Variants in METTL16 observed in about 807,000 individuals in gnomAD.
METTL16 encodes methyltransferase 16, RNA N6-adenosine, also known as RNA N(6)-adenosine-methyltransferase METTL16.
In METTL16, 19 loss-of-function variants were observed where a neutral mutation model predicts 57.9. The observed-to-expected ratio is 0.33, with a 90% CI of 0.23 to 0.48. The LOEUF is 0.48. Ranked by LOEUF, METTL16 falls within the 20% of genes least tolerant of loss-of-function variation. The pLI is 0.99. For missense variants in METTL16, 434 were observed against 691.5 expected (o/e 0.63, Z 4.18); for synonymous variants, 246 against 255.6 (o/e 0.96, Z 0.36).
At chr17:2,455,154 T>C (rs978823583) in intron 6 of METTL16, 1 of 175,020 alleles carries the variant, frequency 5.7e-6, no homozygotes, top group Non-Finnish European at 1.2e-5. Flanking sequence ...AATGGCGTTA[T>C]CTTGGCTCAC....
intron 6 of METTL16, among the ~76,000 whole-genome samples, chr17:2,447,461 C>A (rs1310617064): frequency 8.6e-6 from 1 of 116,192 alleles, no homozygotes; most frequent in Non-Finnish European, 1.8e-5. Flanking sequence ...GGGGGGTCAG[C>A]CCCCCGCCCG....
At chr17:2,476,596 C>A (rs1198847475) in intron 3 of METTL16, among the ~76,000 whole-genome samples, 1 of 152,166 alleles carries the variant, frequency 6.6e-6, no homozygotes, top group Admixed American at 6.6e-5. Flanking sequence ...GCTGAAAATG[C>A]ATGCAAATAT....
At chr17:2,470,033 C>T (rs764234521) in intron 4 of METTL16, among the ~76,000 whole-genome samples, 7 of 152,186 alleles carry the variant, frequency 4.6e-5, no homozygotes, top group Non-Finnish European at 8.8e-5. Context: ...AGTCTCTCTT[C>T]GTATTTTCAT....
intron 6 of METTL16, among the ~76,000 whole-genome samples, chr17:2,448,781 T>TAAAAAAAAAAAAAAAAAAAAAAAAAA (rs1369462081): frequency 3.0e-5 from 1 of 33,696 alleles, no homozygotes; most frequent in Non-Finnish European, 6.7e-5. Flanking sequence ...AATAAAAAAA[T>TAAAAAAAAAAAAAAAAAAAAAAAAAA]AAAAAAATAA....
chr17:2,498,439 TA>T (rs968839120), intron 2 of METTL16, among the ~76,000 whole-genome samples: 1 of 149,472 alleles, frequency 6.7e-6, no homozygotes, highest in Non-Finnish European at 1.5e-5. Flanking sequence ...ACAAAAATCT[TA>T]AAAATCCTAA....
At chr17:2,429,443 C>G (rs1201802985) in intron 8 of METTL16, among the ~76,000 whole-genome samples, 1 of 151,046 alleles carries the variant, frequency 6.6e-6, no homozygotes, top group Non-Finnish European at 1.5e-5. Flanking sequence ...CCGCCTCGGC[C>G]TCCCAAAGTG....
At chr17:2,454,944 G>A (rs1422991815) in intron 6 of METTL16, among the ~76,000 whole-genome samples, 1 of 151,826 alleles carries the variant, frequency 6.6e-6, no homozygotes, top group Non-Finnish European at 1.5e-5. Flanking sequence ...TTTTTGAGAT[G>A]GAGTCTCGCT....
chr17:2,446,753 T>C, intron 6 of METTL16, among the ~76,000 whole-genome samples: 1 of 144,166 alleles, frequency 6.9e-6, no homozygotes, highest in African/African-American at 2.5e-5. Context: ...CTGGTTCTCG[T>C]TTTTTTTTTG....
chr17:2,428,852 AT>A (rs2066846490), intron 8 of METTL16, among the ~76,000 whole-genome samples: 1 of 151,654 alleles, frequency 6.6e-6, no homozygotes, highest in South Asian at 2.1e-4. Context: ...CATTGTTTTT[AT>A]TTATTTTACT....
chr17:2,433,483 C>A (rs1167694327), intron 8 of METTL16, among the ~76,000 whole-genome samples: 1 of 152,122 alleles, frequency 6.6e-6, no homozygotes, highest in Admixed American at 6.6e-5. Context: ...GGTCCATAAG[C>A]AAGATGTGAG....
chr17:2,496,365 A>T (rs952344779), intron 2 of METTL16, among the ~76,000 whole-genome samples: 2 of 151,372 alleles, frequency 1.3e-5, no homozygotes, highest in Non-Finnish European at 2.9e-5. Context: ...TGGTGTAATC[A>T]TAAGTTCACT....
Position 2,419,860 on chromosome 17 carries a change from T to C in METTL16, c.*110A>G, listed in dbSNP as rs1163136731. 4 of 1,353,374 alleles carry C rather than the reference T, an allele frequency of 3.0e-6. No homozygotes were observed. Among genetic ancestry groups the C allele is most frequent in the Non-Finnish European group, 4.1e-6 (4 of 967,112 alleles). The allele number at this position is 1,353,374 out of a possible 1,614,324, so 83.8% of individuals were successfully genotyped here. ...ATTCATAGGTTTTTGTTTTCGAAGA[T>C]AATTCCACATCGTGCTACTAATGGG... On this transcript the variant is annotated 3_prime_UTR_variant, in exon 10 of 10. Coordinates refer to ENST00000263092, the MANE Select transcript of METTL16 (RefSeq NM_024086.4).
intron 1 of METTL16, among the ~76,000 whole-genome samples, chr17:2,505,081 A>T (rs1041018356): frequency 6.6e-6 from 1 of 152,226 alleles, no homozygotes; most frequent in East Asian, 1.9e-4. Flanking sequence ...ATATCAAGAC[A>T]TAAACACTGA....
chr17:2,501,339 A>G (rs2067485519), intron 2 of METTL16, among the ~76,000 whole-genome samples: 1 of 152,076 alleles, frequency 6.6e-6, no homozygotes, highest in African/African-American at 2.4e-5. Flanking sequence ...TGGGGCAGGA[A>G]GACAGCTTGA....
intron 6 of METTL16, among the ~76,000 whole-genome samples, chr17:2,447,822 C>CCGGCCAGCCGCCCCA (rs2067020105): frequency 8.9e-6 from 1 of 112,818 alleles, no homozygotes; most frequent in African/African-American, 4.5e-5. Context: ...AGCCCCCCGC[C>CCGGCCAGCCGCCCCA]TGGCCAGCCG....
intron 6 of METTL16, among the ~76,000 whole-genome samples, chr17:2,450,504 C>A (rs1299669841): frequency 1.3e-5 from 2 of 152,156 alleles, no homozygotes; most frequent in African/African-American, 4.8e-5. Flanking sequence ...AAATGTTCCA[C>A]ATTTGTCTAA....
At chr17:2,475,232 A>G (rs1184443882) in intron 3 of METTL16, 1 of 152,202 alleles carries the variant, frequency 6.6e-6, no homozygotes, top group Non-Finnish European at 1.5e-5. Context: ...TGAACGCTGC[A>G]TTGCCTACCA....
Position 2,463,805 on chromosome 17 carries a change from GCT to G in METTL16, c.728+401_728+402del, listed in dbSNP as rs563799962. On this transcript the variant is annotated intron_variant, in intron 6 of 9. Transcript: ENST00000263092. ...TCTTCTGAGCACTAGGATTACTTTTGCTCTGAGTGACATAGTTTGTTTTAGAA... is the reference window on the plus strand; with the variant it reads ...TCTTCTGAGCACTAGGATTACTTTTGCTGAGTGACATAGTTTGTTTTAGAA... 7.3e-4 allele frequency among the ~76,000 whole-genome samples: 111 copies of G among 152,066 alleles called. 3 individuals are homozygous for G. In the South Asian group the frequency reaches 0.022, roughly 30 times the overall value.
intron 4 of METTL16, among the ~76,000 whole-genome samples, chr17:2,468,927 G>C (rs1005845443): frequency 7.7e-6 from 1 of 130,082 alleles, no homozygotes; most frequent in Non-Finnish European, 1.7e-5. Flanking sequence ...GTGTGTGTGT[G>C]TTTTTTTTTT....
Sources: gnomAD v4.1 joint callset for allele counts (sites outside exome capture counted in the v4.1 genomes callset) on GRCh38, gnomAD v4.1.1 for gene constraint, MANE v1.5 for transcripts, NCBI Gene and HGNC (gene_info 2026-07-23, HGNC 2026-07-21) for gene names.